The following RBFOX3 variants were observed in gnomAD, a reference collection of about 807,000 sequenced individuals.
The protein encoded by RBFOX3 is RNA binding fox-1 homolog 3.
RBFOX3 carries 17 observed loss-of-function variants against 48.7 expected under a neutral mutation model. That is an observed-to-expected ratio of 0.35 (90% CI 0.24 to 0.52). The LOEUF (loss-of-function observed/expected upper bound fraction) is 0.52, where lower values mean the gene tolerates loss of function less well. Among genes scored for constraint, RBFOX3 ranks in the 20% least tolerant of loss-of-function variants. The pLI is 0.94. For synonymous variants in RBFOX3, 212 were observed against 209.5 expected, an observed-to-expected ratio of 1.01 and a Z score of -0.10; for missense variants, 382 against 497.5, an observed-to-expected ratio of 0.77 and a Z score of 2.21.
chr17:79,656,154 C>A, the RBFOX3 span, among the ~76,000 whole-genome samples: 4 of 152,188 alleles, frequency 2.6e-5, no homozygotes, highest in African/African-American at 7.2e-5. Flanking sequence ...AGGAAGGCAG[C>A]TTTTCAACCC....
intron 1 of RBFOX3, among the ~76,000 whole-genome samples, chr17:79,580,518 G>A (rs1217127017): frequency 6.6e-6 from 1 of 152,102 alleles, no homozygotes; most frequent in Non-Finnish European, 1.5e-5. Context: ...GCGGTGCTCA[G>A]TGAATTAAAC....
At chr17:79,240,996 AGCAGGATCT>A (rs2062284334) in intron 3 of RBFOX3, among the ~76,000 whole-genome samples, 1 of 142,226 alleles carries the variant, frequency 7.0e-6, no homozygotes, top group East Asian at 2.2e-4. Flanking sequence ...ATTTTTTTTG[AGCAGGATCT>A]TGCTCTGTTG....
At chr17:79,378,088 C>G (rs373896691) in intron 2 of RBFOX3, among the ~76,000 whole-genome samples, 3 of 152,194 alleles carry the variant, frequency 2.0e-5, no homozygotes, top group Non-Finnish European at 4.4e-5. Flanking sequence ...GCCCGGACCC[C>G]GTGACTCCCA....
rs1363428856 is a variant in RBFOX3 at position 79,388,154 on chromosome 17, G to C, written c.-174-80330C>G. On this transcript the variant is annotated intron_variant, in intron 2 of 14. Coordinates refer to ENST00000693108, the MANE Select transcript of RBFOX3 (RefSeq NM_001350451.2). ...CATACAAATGTGTGTGCATGTGTGT[G>C]TGCATGTGTGTTAGCAGCTCTCTGA... 2.0e-5 allele frequency among the ~76,000 whole-genome samples: 3 copies of C among 152,058 alleles called. No individual in the cohort carries two copies. In the East Asian group the frequency reaches 5.8e-4, roughly 29 times the overall value.
chr17:79,408,673 G>T (rs1430347148), intron 2 of RBFOX3, among the ~76,000 whole-genome samples: 3 of 152,158 alleles, frequency 2.0e-5, no homozygotes, highest in African/African-American at 7.2e-5. Flanking sequence ...TAGCCGATGA[G>T]GCCCACATTG....
At chr17:79,142,460 C>T (rs1188332187) in intron 4 of RBFOX3, among the ~76,000 whole-genome samples, 1 of 152,178 alleles carries the variant, frequency 6.6e-6, no homozygotes, top group African/African-American at 2.4e-5. Context: ...TCCTAAGCCG[C>T]CCCTTCTCCT....
upstream of RBFOX3, among the ~76,000 whole-genome samples, chr17:79,614,479 C>CG (rs1332615572): frequency 2.2e-3 from 4 of 1,788 alleles, no homozygotes; most frequent in Non-Finnish European, 0.032. Context: ...AGCTTTGCAG[C>CG]CCCCCTAAGG....
chr17:79,257,599 G>T (rs2065089749), intron 3 of RBFOX3, among the ~76,000 whole-genome samples: 1 of 152,090 alleles, frequency 6.6e-6, no homozygotes, highest in East Asian at 1.9e-4. Flanking sequence ...TTCCCCCTCT[G>T]AGACAGAGTC....
At chr17:79,530,652 G>A (rs2087599470) in intron 1 of RBFOX3, among the ~76,000 whole-genome samples, 1 of 152,122 alleles carries the variant, frequency 6.6e-6, no homozygotes. Context: ...AGGCCCTGGA[G>A]CTTCAAAGAT....
chr17:79,644,344 T>C, the RBFOX3 span, among the ~76,000 whole-genome samples: 372 of 152,188 alleles, frequency 2.4e-3, 1 homozygote, highest in Non-Finnish European at 2.8e-3. Context: ...AACTATGATA[T>C]CAAAAACTGA....
the RBFOX3 span, among the ~76,000 whole-genome samples, chr17:79,651,044 G>A: frequency 6.6e-6 from 1 of 152,238 alleles, no homozygotes; most frequent in African/African-American, 2.4e-5. Flanking sequence ...CCAGGTGTGT[G>A]TTCTGCACTG....
intron 1 of RBFOX3, among the ~76,000 whole-genome samples, chr17:79,523,140 G>C (rs901604169): frequency 6.6e-6 from 1 of 151,604 alleles, no homozygotes; most frequent in South Asian, 2.1e-4. Flanking sequence ...GTGGGGGGGC[G>C]GGTGGTTTGG....
chr17:79,272,778 A>G (rs900144577), intron 3 of RBFOX3, among the ~76,000 whole-genome samples: 2 of 152,040 alleles, frequency 1.3e-5, no homozygotes, highest in East Asian at 3.9e-4. Flanking sequence ...CTGTGGAGGG[A>G]GGGCTCTGGA....
In RBFOX3 at chr17:79,480,490, C is replaced by T. The variant is rs2149476152; in HGVS notation, c.-175+1964G>A. Among the ~76,000 whole-genome samples the T allele has an allele frequency of 6.6e-6, 1 of 152,282 alleles. No homozygotes were observed. The highest frequency in any genetic ancestry group is 2.4e-5 in the African/African-American group (1 of 41,544). On this transcript the variant is annotated intron_variant, in intron 2 of 14. Transcript: ENST00000693108. The surrounding 1 kb of genome is among the most constrained non-coding windows in gnomAD (Gnocchi z 4.8). ...ACTCAGAGCCCTGCAGTGGCTCCCACCACCCTTAAGACAAAATCCAAAGTC... is the reference window on the plus strand; with the variant it reads ...ACTCAGAGCCCTGCAGTGGCTCCCATCACCCTTAAGACAAAATCCAAAGTC...
intron 4 of RBFOX3, among the ~76,000 whole-genome samples, chr17:79,215,286 G>A (rs2058890574): frequency 6.6e-6 from 1 of 152,218 alleles, no homozygotes; most frequent in Non-Finnish European, 1.5e-5. Context: ...GGGCAGGGAG[G>A]TCCTCCGCTC....
intron 14 of RBFOX3, chr17:79,092,493 G>A (rs754672765): frequency 1.5e-4 from 145 of 985,940 alleles, no homozygotes; most frequent in Non-Finnish European, 1.7e-4. Flanking sequence ...GTCGCTGACC[G>A]GGAGGGGTGC....
At chr17:79,163,489 G>A (rs1277654642) in intron 4 of RBFOX3, among the ~76,000 whole-genome samples, 1 of 152,264 alleles carries the variant, frequency 6.6e-6, no homozygotes, top group Non-Finnish European at 1.5e-5. Context: ...CTGGTTTGCA[G>A]AGATCCTGTC....
chr17:79,147,860 T>C (rs557197364), intron 4 of RBFOX3, among the ~76,000 whole-genome samples: 7 of 152,242 alleles, frequency 4.6e-5, no homozygotes, highest in African/African-American at 9.6e-5. Context: ...TGCTAATGAC[T>C]GTCAACATGA....
rs200802018 is a variant in RBFOX3, at chr17:79,124,437, T to C, written c.-33-8689A>G. ...ATTCAAGCAACAGTTATGGAGCCCC[T>C]CCTCTGGGCCTGTATTTAGAGGTGA... On this transcript the variant is annotated intron_variant, in intron 4 of 14. Coordinates refer to ENST00000693108, the MANE Select transcript of RBFOX3 (RefSeq NM_001350451.2). Among the ~76,000 whole-genome samples, 30 of 152,312 alleles carry C rather than the reference T, an allele frequency of 2.0e-4. No individual in the cohort carries two copies. The East Asian group carries it at 5.4e-3, about 27-fold the overall frequency.
Sources: allele counts gnomAD v4.1 joint callset (sites outside exome capture counted in the v4.1 genomes callset), GRCh38; gene constraint gnomAD v4.1.1; non-coding constraint Gnocchi (gnomAD v3.1); transcripts MANE v1.5; gene names NCBI Gene and HGNC (gene_info 2026-07-23, HGNC 2026-07-21).